The following STYX variants were observed in gnomAD, a reference collection of about 807,000 sequenced individuals.
STYX encodes the protein serine/threonine/tyrosine-interacting protein.
In STYX, 20 loss-of-function variants were observed where a neutral mutation model predicts 42.7. That is an observed-to-expected ratio of 0.47 (90% CI 0.33 to 0.68). The LOEUF (loss-of-function observed/expected upper bound fraction) is 0.68, where lower values mean the gene tolerates loss of function less well. Ranked by LOEUF, STYX falls within the 30% of genes least tolerant of loss-of-function variation. The pLI, the probability that STYX is intolerant of heterozygous loss-of-function variation, is 0.02. For missense variants in STYX, 226 were observed against 268.5 expected (o/e 0.84, Z 1.11); for synonymous variants, 78 against 81.9 (o/e 0.95, Z 0.26).
intron 2 of STYX, 45 bp from the exon 3 acceptor site, chr14:52,746,381 A>G (rs2139896430): frequency 1.4e-6 from 2 of 1,460,886 alleles, no homozygotes; most frequent in Non-Finnish European, 1.9e-6. Flanking sequence ...AGCCTTATAG[A>G]TTTAAATTGC....
At position 52,771,202 on chromosome 14, in the gene STYX, T is replaced by C. The variant is rs1159925286; in HGVS notation, c.*96T>C. The C allele has an allele frequency of 8.7e-7, 1 of 1,145,870 alleles. No homozygotes were observed. Among genetic ancestry groups the C allele is most frequent in the East Asian group, 2.6e-5 (1 of 38,620 alleles). The allele number at this position is 1,145,870 out of a possible 1,614,324, so 71.0% of individuals were successfully genotyped here. On this transcript the variant is annotated 3_prime_UTR_variant, in exon 11 of 11. Coordinates refer to ENST00000354586, the MANE Select transcript of STYX (RefSeq NM_145251.4). Reference sequence around the variant, plus strand: ...TAAAATGGTAAAAACATAAGTAGTTTTTTTTTCAATTACATGTTGCTTCCA... The same window carrying C: ...TAAAATGGTAAAAACATAAGTAGTTCTTTTTTCAATTACATGTTGCTTCCA...
At chr14:52,749,736 A>G (rs2139902091) in intron 3 of STYX, among the ~76,000 whole-genome samples, 1 of 152,350 alleles carries the variant, frequency 6.6e-6, no homozygotes, top group Admixed American at 6.5e-5. Flanking sequence ...TAGAATTGTC[A>G]TGTTAAATTG....
At chr14:52,752,915 C>A (rs185553658) in intron 4 of STYX, among the ~76,000 whole-genome samples, 1,576 of 128,908 alleles carry the variant, frequency 0.012, 31 homozygotes, top group African/African-American at 0.04. Context: ...GAGTCTCACT[C>A]TGTCACCCAG....
intron 1 of STYX, among the ~76,000 whole-genome samples, chr14:52,733,815 AAGAATG>A (rs1378153643): frequency 6.6e-6 from 1 of 152,200 alleles, no homozygotes; most frequent in African/African-American, 2.4e-5. Flanking sequence ...CAAGCAAAGA[AAGAATG>A]AAGCAACAAA....
rs575221244 is a variant in STYX, at chr14:52,749,147, G to C, written c.145-1536G>C. 7.9e-5 allele frequency among the ~76,000 whole-genome samples: 12 copies of C among 152,302 alleles called. No individual in the cohort carries two copies. In the South Asian group the frequency reaches 1.2e-3, roughly 16 times the overall value. On this transcript the variant is annotated intron_variant, in intron 3 of 10. Transcript: ENST00000354586. ...GTGAGGACCCTCTTGCTGGCTCGCA[G>C]ATCCCTCCCTTCTTGCTGTATCCTC...
chr14:52,750,010 T>C (rs1000790180), intron 3 of STYX, among the ~76,000 whole-genome samples: 4 of 152,334 alleles, frequency 2.6e-5, no homozygotes, highest in East Asian at 1.9e-4. Flanking sequence ...CATCTGAGTA[T>C]GTATATGCAA....
Position 52,730,352 on chromosome 14 carries a change from G to A in STYX, c.-123G>A. ...GTCTGCGTGTGTTAGTTGTAATCCC[G>A]CCGCCCTCCTGTCAGCCCTCCGCTC... is the stretch of plus-strand genomic sequence containing the variant. On this transcript the variant is annotated 5_prime_UTR_variant, in exon 1 of 11. Coordinates refer to ENST00000354586, the MANE Select transcript of STYX (RefSeq NM_145251.4). 1.1e-6 allele frequency: 1 copy of A among 944,708 alleles called. No individual in the cohort carries two copies. The highest frequency in any genetic ancestry group is 1.5e-5 in the South Asian group (1 of 67,304). 58.5% of individuals were successfully genotyped at this position (944,708 alleles called of 1,614,324 possible).
intron 1 of STYX, among the ~76,000 whole-genome samples, chr14:52,744,033 A>C (rs1229007278): frequency 6.6e-6 from 1 of 152,180 alleles, no homozygotes; most frequent in Non-Finnish European, 1.5e-5. Flanking sequence ...CCTGTTTCCC[A>C]GGCTGGTCTC....
rs533006781 is a variant in STYX, at chr14:52,771,948, G to T, written c.*842G>T. 9.8e-5 allele frequency: 15 copies of T among 152,406 alleles called. No individual in the cohort carries two copies. The highest frequency in any genetic ancestry group is 5.9e-5 in the Non-Finnish European group (4 of 67,886). The allele number at this position is 152,406 out of a possible 1,614,324, so 9.4% of individuals were successfully genotyped here. A position where few individuals can be genotyped will look rare whatever the true frequency, so the allele number is the denominator to read the frequency against. ...CGTTGTATTTGTTCTTTTCAGAGTT[G>T]TCCAGCCCTTTTTTCCTTTGTCCAA... On this transcript the variant is annotated 3_prime_UTR_variant, in exon 11 of 11. Transcript: ENST00000354586.
chr14:52,761,922 G>A (rs1287852201), intron 9 of STYX, among the ~76,000 whole-genome samples: 1 of 150,948 alleles, frequency 6.6e-6, no homozygotes, highest in African/African-American at 2.4e-5. Flanking sequence ...GCAGGTGCCT[G>A]TAATCCCAGC....
chr14:52,730,777 C>T (rs961094256), intron 1 of STYX, among the ~76,000 whole-genome samples: 1 of 152,202 alleles, frequency 6.6e-6, no homozygotes, highest in African/African-American at 2.4e-5. Context: ...ATCCCTTAGT[C>T]CCTAGGCTTG....
At chr14:52,730,760 A>G (rs1594859178) in intron 1 of STYX, among the ~76,000 whole-genome samples, 1 of 152,300 alleles carries the variant, frequency 6.6e-6, no homozygotes, top group South Asian at 2.1e-4. Flanking sequence ...TGAGAAGAGG[A>G]AAAGCAATCC....
intron 1 of STYX, among the ~76,000 whole-genome samples, chr14:52,735,708 A>G (rs138920949): frequency 8.9e-4 from 135 of 152,346 alleles, no homozygotes; most frequent in African/African-American, 3.1e-3. Context: ...TCCAAATTAC[A>G]GACCAAATTT....
At chr14:52,742,766 C>G (rs116130945) in intron 1 of STYX, among the ~76,000 whole-genome samples, 2,237 of 151,584 alleles carry the variant, frequency 0.015, 49 homozygotes, top group African/African-American at 0.051. Flanking sequence ...GATAACTGGC[C>G]TCCTTCTGAT....
At chr14:52,737,957 G>C (rs1881023487) in intron 1 of STYX, among the ~76,000 whole-genome samples, 2 of 152,046 alleles carry the variant, frequency 1.3e-5, no homozygotes, top group Admixed American at 6.5e-5. Flanking sequence ...TTGTATTTTT[G>C]GTAGAGACGG....
intron 2 of STYX, among the ~76,000 whole-genome samples, chr14:52,745,213 C>T (rs1368942947): frequency 2.0e-5 from 3 of 151,826 alleles, no homozygotes; most frequent in Non-Finnish European, 4.4e-5. Flanking sequence ...GTCCACCTCC[C>T]GGGTTCAAGT....
At chr14:52,756,735 T>C in intron 5 of STYX, 124 bp downstream of exon 5, 5 of 455,970 alleles carry the variant, frequency 1.1e-5, no homozygotes, top group Non-Finnish European at 1.9e-5. Context: ...TTGCCCAGGC[T>C]GGAGTGCAAT....
chr14:52,755,793 G>C (rs1881841392), intron 4 of STYX, among the ~76,000 whole-genome samples: 1 of 148,506 alleles, frequency 6.7e-6, no homozygotes, highest in Non-Finnish European at 1.5e-5. Flanking sequence ...CGTTCTCTTA[G>C]ACTTTGGACT....
At chr14:52,746,289 TAAAAAAATAGA>T in intron 2 of STYX, 126 bp from the exon 3 acceptor site, 2 of 586,288 alleles carry the variant, frequency 3.4e-6, no homozygotes. Context: ...AAAAAAAGAT[TAAAAAAATAGA>T]TAATAGTTCC....
Sources: gnomAD v4.1 joint callset for allele counts (sites outside exome capture counted in the v4.1 genomes callset) on GRCh38, gnomAD v4.1.1 for gene constraint, MANE v1.5 for transcripts, NCBI Gene and HGNC (gene_info 2026-07-23, HGNC 2026-07-21) for gene names.